The following FAT3 variants were observed in gnomAD, a reference collection of about 807,000 sequenced individuals.
FAT3 encodes the protein protocadherin Fat 3.
FAT3 carries 95 observed loss-of-function variants against 310.2 expected under a neutral mutation model. The ratio of observed to expected loss-of-function variants is 0.31; its 90% CI spans 0.26 to 0.36. FAT3 has a LOEUF of 0.36. FAT3 is among the 10% of genes least tolerant of loss of function. FAT3 has a pLI of 1.00. For missense variants in FAT3, 5,408 were observed against 5,715.6 expected (o/e 0.95, Z 1.74); for synonymous variants, 2,314 against 2,192.9 (o/e 1.06, Z -1.54).
chr11:92,645,976 A>G (rs1050159069), intron 3 of FAT3, among the ~76,000 whole-genome samples: 3 of 152,244 alleles, frequency 2.0e-5, no homozygotes, highest in Non-Finnish European at 4.4e-5. Flanking sequence ...CATTTATCCA[A>G]TCGCTTCAAC....
chr11:92,866,492 T>C lies in FAT3; in HGVS notation c.11659-249T>C, dbSNP rs149799174. ...GTAGAAACATTCTTAAATATAATTG[T>C]GGATATATGAAGGTGTGCCCATATT... On this transcript the variant is annotated intron_variant, in intron 21 of 27. Transcript: ENST00000525166. 7.8e-4 allele frequency among the ~76,000 whole-genome samples: 119 copies of C among 152,206 alleles called. No individual in the cohort carries two copies. In the East Asian group the frequency reaches 0.018, roughly 22 times the overall value.
intron 3 of FAT3, among the ~76,000 whole-genome samples, chr11:92,691,171 A>G (rs1313161027): frequency 1.3e-5 from 2 of 152,160 alleles, no homozygotes; most frequent in African/African-American, 2.4e-5. Flanking sequence ...TACATTCTTC[A>G]CACTGAAAAG....
At chr11:92,329,095 T>TG in intron 1 of FAT3, among the ~76,000 whole-genome samples, 1 of 66,838 alleles carries the variant, frequency 1.5e-5, no homozygotes, top group African/African-American at 3.9e-4. Flanking sequence ...TCATCCAGAC[T>TG]TTTTTTTTTT....
intron 1 of FAT3, among the ~76,000 whole-genome samples, chr11:92,278,169 T>C (rs1290449912): frequency 6.6e-6 from 1 of 152,120 alleles, no homozygotes; most frequent in African/African-American, 2.4e-5. Flanking sequence ...TCTGAAGCGA[T>C]TGGTGAATGA....
At chr11:92,630,230 T>C (rs1334557266) in intron 3 of FAT3, among the ~76,000 whole-genome samples, 3 of 152,188 alleles carry the variant, frequency 2.0e-5, no homozygotes, top group Admixed American at 1.3e-4. Flanking sequence ...CCTTGATGCC[T>C]GTGACACTGT....
Position 92,367,732 on chromosome 11 carries a change from C to T in FAT3, c.3292+12328C>T, listed in dbSNP as rs374446885. ...ACATAAATGAGTGTCTTCTACTGAT[C>T]ATTCATCATGTTCCCTGTGGCCTTA... On this transcript the variant is annotated intron_variant, in intron 2 of 27. Coordinates refer to ENST00000525166, the MANE Select transcript of FAT3 (RefSeq NM_001367949.2). Among the ~76,000 whole-genome samples, 3 of 152,336 alleles carry T rather than the reference C, an allele frequency of 2.0e-5. No homozygotes were observed. In the East Asian group the frequency reaches 5.8e-4, roughly 29 times the overall value.
At chr11:92,254,129 C>G (rs1865226717) in intron 1 of FAT3, among the ~76,000 whole-genome samples, 1 of 152,136 alleles carries the variant, frequency 6.6e-6, no homozygotes, top group African/African-American at 2.4e-5. Context: ...GCATCATCCT[C>G]TCGTTCTTTC....
intron 4 of FAT3, among the ~76,000 whole-genome samples, chr11:92,709,150 C>A (rs1944446318): frequency 6.6e-6 from 1 of 152,238 alleles, no homozygotes; most frequent in Non-Finnish European, 1.5e-5. Flanking sequence ...CCAGCCTTAT[C>A]ACTAACCCCT....
intron 3 of FAT3, among the ~76,000 whole-genome samples, chr11:92,625,728 C>G (rs1941302577): frequency 7.3e-6 from 1 of 136,362 alleles, no homozygotes; most frequent in South Asian, 2.2e-4. Flanking sequence ...AACCAAGTAT[C>G]TGTCCTTCAA....
rs762231335 is a variant in FAT3, at chr11:92,857,296, C to G, written c.11448C>G (p.Ser3816Arg). ...GDMQCVSYEA[S>R]RRPFLCQCPP... ...TGCAGTGTGTCAGTTATGAAGCCAG[C>G]AGGAGACCGTTCCTCTGCCAGTGTC... The change falls in exon 20 of 28, where the codon AGC becomes AGG. Residue 3816 changes from serine (S) to arginine (R), a missense_variant. Around this residue, in one of 5 missense-constraint regions of FAT3, gnomAD observed 4,588 missense variants for 4,809.8 expected, o/e 0.95. Transcript: ENST00000525166. The G allele has an allele frequency of 6.2e-7, 1 of 1,613,848 alleles. No homozygotes were observed. The highest frequency in any genetic ancestry group is 2.2e-5 in the East Asian group (1 of 44,878).
chr11:92,446,020 A>C (rs1951199991), intron 2 of FAT3, among the ~76,000 whole-genome samples: 1 of 152,196 alleles, frequency 6.6e-6, no homozygotes, highest in Non-Finnish European at 1.5e-5. Context: ...AATCACTCCT[A>C]TTTATGAATA....
intron 4 of FAT3, among the ~76,000 whole-genome samples, chr11:92,724,274 T>G (rs562022138): frequency 9.0e-4 from 137 of 152,248 alleles, no homozygotes; most frequent in Non-Finnish European, 1.6e-3. Flanking sequence ...CCCTCATCCT[T>G]TAGGTTGGCC....
At chr11:92,706,580 T>A (rs1944360254) in intron 4 of FAT3, among the ~76,000 whole-genome samples, 1 of 152,208 alleles carries the variant, frequency 6.6e-6, no homozygotes, top group South Asian at 2.1e-4. Flanking sequence ...ATATTACATG[T>A]TGACAACTCC....
chr11:92,462,435 T>A (rs1024575842), intron 2 of FAT3, among the ~76,000 whole-genome samples: 4 of 152,192 alleles, frequency 2.6e-5, no homozygotes, highest in African/African-American at 9.6e-5. Context: ...TGGTTTTCTG[T>A]TCCTGCGTTA....
intron 16 of FAT3, among the ~76,000 whole-genome samples, 158 bp from the exon 17 acceptor site, chr11:92,837,505 C>T (rs1402367511): frequency 6.6e-6 from 1 of 152,084 alleles, no homozygotes; most frequent in Non-Finnish European, 1.5e-5. Context: ...TATCCAGACC[C>T]AAATGTCAGT....
At chr11:92,767,038 C>G (rs1021562283) in intron 6 of FAT3, among the ~76,000 whole-genome samples, 4 of 152,104 alleles carry the variant, frequency 2.6e-5, no homozygotes, top group Non-Finnish European at 5.9e-5. Context: ...CACTTGAGGT[C>G]AGAAGTTCGA....
At chr11:92,719,848 C>T (rs974923599) in intron 4 of FAT3, among the ~76,000 whole-genome samples, 2 of 151,974 alleles carry the variant, frequency 1.3e-5, no homozygotes, top group African/African-American at 4.8e-5. Context: ...GATGCTTGCA[C>T]ACTGGAAAAT....
chr11:92,438,514 A>G (rs938006617), intron 2 of FAT3, among the ~76,000 whole-genome samples: 6 of 152,204 alleles, frequency 3.9e-5, no homozygotes, highest in Non-Finnish European at 8.8e-5. Flanking sequence ...GTACACTCAC[A>G]TTATTGTGCG....
In FAT3 at chr11:92,890,593, G is replaced by A. The variant is rs1002336036; in HGVS notation, c.13250G>A (p.Gly4417Glu). ...CAGGATGGAGGGTCTGCACACCAGG[G>A]GAGCACACGGGAGCTGGAGAGCGAT... ...ENQDGGSAHQ[G>E]STRELESDYY... The change falls in exon 28 of 28, where the codon GGG becomes GAG. Residue 4417 changes from glycine to glutamate, a missense_variant. Physicochemically the swap from Gly to Glu is moderately conservative, Grantham distance 98. Coordinates refer to ENST00000525166, the MANE Select transcript of FAT3 (RefSeq NM_001367949.2). 1.9e-6 allele frequency: 3 copies of A among 1,613,544 alleles called. No individual in the cohort carries two copies. The highest frequency in any genetic ancestry group is 2.5e-6 in the Non-Finnish European group (3 of 1,179,816).
Sources: gnomAD v4.1 joint callset for allele counts (sites outside exome capture counted in the v4.1 genomes callset) on GRCh38, gnomAD v4.1.1 for gene constraint, gnomAD v4.1.1 regional missense constraint, MANE v1.5 for transcripts, NCBI Gene and HGNC (gene_info 2026-07-23, HGNC 2026-07-21) for gene names.